Variants in TENM4 observed in about 807,000 individuals in gnomAD.
The protein encoded by TENM4 is teneurin-4.
Under a neutral mutation model 243.3 loss-of-function variants are expected in TENM4, and 82 were observed. That is an observed-to-expected ratio of 0.34 (90% confidence interval 0.28 to 0.40). The LOEUF (loss-of-function observed/expected upper bound fraction) is 0.40. Ranked by LOEUF, TENM4 falls within the 10% of genes least tolerant of loss-of-function variation. The pLI is 1.00. For missense variants in TENM4, 3,138 were observed against 3,673.3 expected, an observed-to-expected ratio of 0.85 and a Z score of 3.77; for synonymous variants, 1,412 against 1,456.3, an observed-to-expected ratio of 0.97 and a Z score of 0.69.
At chr11:79,362,345 T>C (rs550112351) in intron 1 of TENM4, among the ~76,000 whole-genome samples, 1 of 152,322 alleles carries the variant, frequency 6.6e-6, no homozygotes, top group East Asian at 1.9e-4. Flanking sequence ...GGGAGCTAAT[T>C]CTGCAAAATG....
Position 78,939,229 on chromosome 11 carries a change from C to T in TENM4, c.494-35706G>A, listed in dbSNP as rs17137457. Among the ~76,000 whole-genome samples, 1,010 of 152,338 alleles carry T rather than the reference C, an allele frequency of 6.6e-3. 30 individuals carry two copies. The highest frequency in any genetic ancestry group is 0.052 in the Admixed American group (789 of 15,308). ...CGAGGAACACTTCTCTCTCCACATA[C>T]GGCTGAGCTTTTCACAGTGTTTCAG... is the stretch of plus-strand genomic sequence containing the variant. On this transcript the variant is annotated intron_variant, in intron 6 of 33. Coordinates refer to ENST00000278550, the MANE Select transcript of TENM4 (RefSeq NM_001098816.3).
chr11:79,362,290 C>G (rs1331137965), intron 1 of TENM4, among the ~76,000 whole-genome samples: 3 of 152,206 alleles, frequency 2.0e-5, no homozygotes, highest in Non-Finnish European at 4.4e-5. Flanking sequence ...TGAGCGCAGA[C>G]AGCTGCTGCA....
At chr11:78,887,167 A>G (rs1230628055) in intron 9 of TENM4, among the ~76,000 whole-genome samples, 4 of 152,166 alleles carry the variant, frequency 2.6e-5, no homozygotes, top group Non-Finnish European at 4.4e-5. Flanking sequence ...ATTAGCTCCA[A>G]CGGTGCACCC....
chr11:78,976,685 G>A (rs1056096740), intron 6 of TENM4, among the ~76,000 whole-genome samples: 1 of 152,210 alleles, frequency 6.6e-6, no homozygotes, highest in Non-Finnish European at 1.5e-5. Context: ...GCAGCTGGGG[G>A]AGAGTGGACA....
chr11:78,780,580 G>A (rs1856820754), intron 16 of TENM4, among the ~76,000 whole-genome samples: 1 of 151,990 alleles, frequency 6.6e-6, no homozygotes, highest in Non-Finnish European at 1.5e-5. Flanking sequence ...GGAGTTCTCT[G>A]ATGAAAAAAA....
At chr11:79,327,514 A>G (rs1856993019) in intron 1 of TENM4, among the ~76,000 whole-genome samples, 1 of 152,222 alleles carries the variant, frequency 6.6e-6, no homozygotes, top group South Asian at 2.1e-4. Context: ...TAAAGTTCAT[A>G]GTGAGTTATG....
chr11:78,969,499 T>C (rs1028321911), intron 6 of TENM4, among the ~76,000 whole-genome samples: 19 of 152,210 alleles, frequency 1.2e-4, no homozygotes, highest in African/African-American at 4.1e-4. Context: ...AGACTAAAAT[T>C]ATGAGGGCTA....
At chr11:78,964,989 T>G (rs775381307) in intron 6 of TENM4, among the ~76,000 whole-genome samples, 2 of 152,130 alleles carry the variant, frequency 1.3e-5, no homozygotes, top group Non-Finnish European at 2.9e-5. Flanking sequence ...TGCCTCAGCC[T>G]CCCCAGTAGC....
chr11:79,232,177 TAGAGC>T (rs1327669819), intron 2 of TENM4, among the ~76,000 whole-genome samples: 3 of 152,352 alleles, frequency 2.0e-5, no homozygotes, highest in Non-Finnish European at 2.9e-5. Context: ...TCCAAGGTCA[TAGAGC>T]CAAGGGTTCC....
intron 4 of TENM4, among the ~76,000 whole-genome samples, chr11:79,147,790 G>A (rs138932614): frequency 1.3e-5 from 2 of 152,180 alleles, no homozygotes; most frequent in East Asian, 3.9e-4. Flanking sequence ...GGAAACAGAT[G>A]ATCAGAGATG....
chr11:78,762,584 G>T (rs1310391857), intron 18 of TENM4, among the ~76,000 whole-genome samples: 2 of 152,156 alleles, frequency 1.3e-5, no homozygotes, highest in Non-Finnish European at 2.9e-5. Flanking sequence ...CCTTCCTGTG[G>T]TGATGCTTCC....
At chr11:78,829,292 T>C (rs1265609732) in intron 12 of TENM4, among the ~76,000 whole-genome samples, 1 of 152,210 alleles carries the variant, frequency 6.6e-6, no homozygotes, top group African/African-American at 2.4e-5. Flanking sequence ...CCCTGGTCCA[T>C]GGCAGAGCAT....
chr11:79,170,843 C>T lies in TENM4; in HGVS notation c.-162-22037G>A, dbSNP rs867115261. 7.2e-5 allele frequency among the ~76,000 whole-genome samples: 11 copies of T among 152,074 alleles called. 1 individual carries two copies. The highest frequency in any genetic ancestry group is 5.9e-4 in the Admixed American group (9 of 15,250). ...AGCAAACTAATACAGGAGTAGGAGC[C>T]GGAGAGACCTTTTTATGCGGGAGAG... On this transcript the variant is annotated intron_variant, in intron 3 of 33. Coordinates refer to ENST00000278550, the MANE Select transcript of TENM4 (RefSeq NM_001098816.3).
intron 1 of TENM4, among the ~76,000 whole-genome samples, chr11:79,423,374 A>T (rs1029090741): frequency 3.3e-5 from 5 of 151,874 alleles, no homozygotes; most frequent in African/African-American, 1.2e-4. Flanking sequence ...TCCACTAAAG[A>T]GTCAGGGCTA....
At chr11:79,129,666 C>T (rs927885244) in intron 4 of TENM4, among the ~76,000 whole-genome samples, 2 of 152,100 alleles carry the variant, frequency 1.3e-5, no homozygotes, top group Non-Finnish European at 2.9e-5. Context: ...CCATAGTCCG[C>T]CCAGGTACAC....
At chr11:78,743,825 TTG>T (rs964551262) in intron 19 of TENM4, among the ~76,000 whole-genome samples, 11 of 152,120 alleles carry the variant, frequency 7.2e-5, no homozygotes, top group South Asian at 2.1e-4. Flanking sequence ...TTTTATTATT[TTG>T]TGTGTGTGTT....
intron 13 of TENM4, 76 bp downstream of exon 13, chr11:78,814,218 T>C (rs1403356830): frequency 7.1e-7 from 1 of 1,404,054 alleles, no homozygotes; most frequent in Non-Finnish European, 9.7e-7. Context: ...ATTCTGCACT[T>C]GCTCTGAGAA....
intron 27 of TENM4, among the ~76,000 whole-genome samples, chr11:78,705,167 T>C (rs531969902): frequency 6.6e-6 from 1 of 152,344 alleles, no homozygotes; most frequent in South Asian, 2.1e-4. Context: ...CCGCTAAATA[T>C]TTTATGCCTT....
chr11:79,196,390 T>C (rs1448006230), intron 3 of TENM4, among the ~76,000 whole-genome samples: 1 of 151,504 alleles, frequency 6.6e-6, no homozygotes, highest in Non-Finnish European at 1.5e-5. Context: ...GTTGAGAAGA[T>C]CAAATGGGAA....
Sources: gnomAD v4.1 joint callset for allele counts (sites outside exome capture counted in the v4.1 genomes callset) on GRCh38, gnomAD v4.1.1 for gene constraint, MANE v1.5 for transcripts, NCBI Gene and HGNC (gene_info 2026-07-23, HGNC 2026-07-21) for gene names.